RSRC2: variants seen among roughly 807,000 people sequenced by gnomAD.
RSRC2 encodes arginine and serine rich coiled-coil 2.
Under a neutral mutation model 61.3 loss-of-function variants are expected in RSRC2, and 5 were observed. The observed-to-expected ratio is 0.08, with a 90% CI of 0.04 to 0.17. The LOEUF (loss-of-function observed/expected upper bound fraction) is 0.17, where lower values mean the gene tolerates loss of function less well. Ranked by LOEUF, RSRC2 falls within the 10% of genes least tolerant of loss-of-function variation. RSRC2 has a pLI of 1.00. For missense variants in RSRC2, 381 were observed against 518.8 expected (o/e 0.73, Z 2.58); for synonymous variants, 202 against 166.5 (o/e 1.21, Z -1.64).
At position 122,519,750 on chromosome 12, in the gene RSRC2, C is replaced by G. The variant is rs1001428720; in HGVS notation, c.208-721G>C. 3.9e-5 allele frequency: 6 copies of G among 152,490 alleles called. 1 individual carries two copies. Among genetic ancestry groups the G allele is most frequent in the African/African-American group, 1.4e-4 (6 of 41,458 alleles). 9.4% of individuals were successfully genotyped at this position (152,490 alleles called of 1,614,324 possible). On this transcript the variant is annotated intron_variant, in intron 3 of 9. Coordinates refer to ENST00000331738, the MANE Select transcript of RSRC2 (RefSeq NM_023012.6). ...TCCACATGCCATCACACAATACATA[C>G]TGCCCCCACACTTTAAAAAGACCAA...
At chr12:122,508,632 C>T (rs954568063) in intron 7 of RSRC2, among the ~76,000 whole-genome samples, 185 bp from the exon 8 acceptor site, 2 of 152,140 alleles carry the variant, frequency 1.3e-5, no homozygotes, top group African/African-American at 2.4e-5. Flanking sequence ...TGTTCATCAA[C>T]GGACATATTT....
chr12:122,514,751 A>C (rs770174108), intron 6 of RSRC2: 2 of 1,130,718 alleles, frequency 1.8e-6, no homozygotes, highest in Non-Finnish European at 2.3e-6. Flanking sequence ...GAAAAACAAA[A>C]AGTAAAGGAA....
At chr12:122,522,081 A>G in intron 2 of RSRC2, 62 bp downstream of exon 2, 1 of 1,478,482 alleles carries the variant, frequency 6.8e-7, no homozygotes, top group Non-Finnish European at 9.2e-7. Context: ...GTCTTCTTAT[A>G]CAACAGGTCT....
intron 9 of RSRC2, 96 bp downstream of exon 9, chr12:122,506,738 C>CA: frequency 4.0e-6 from 3 of 750,664 alleles, no homozygotes; most frequent in Non-Finnish European, 6.9e-6. Flanking sequence ...AAAACGCTGA[C>CA]ACCTGAGTAA....
At position 122,510,359 on chromosome 12, in the gene RSRC2, G is replaced by A. The variant is rs375442781; in HGVS notation, c.805+750C>T. Among the ~76,000 whole-genome samples the A allele has an allele frequency of 9.2e-4, 140 of 152,080 alleles. No individual in the cohort carries two copies. The East Asian group carries it at 0.011, about 12-fold the overall frequency. On this transcript the variant is annotated intron_variant, in intron 7 of 9. Transcript: ENST00000331738. ...TCCTGGTTCAACACGGTGAAACCCC[G>A]TCTCTACTAAAAATACAAAAATTAG... is the stretch of plus-strand genomic sequence containing the variant.
At chr12:122,512,491 G>A (rs1958601434) in intron 6 of RSRC2, among the ~76,000 whole-genome samples, 1 of 152,174 alleles carries the variant, frequency 6.6e-6, no homozygotes, top group Non-Finnish European at 1.5e-5. Flanking sequence ...ACTATGGGAG[G>A]CTGAGGTGGG....
At chr12:122,526,753 C>T in intron 1 of RSRC2, 95 bp downstream of exon 1, 2 of 1,426,784 alleles carry the variant, frequency 1.4e-6, no homozygotes, top group Non-Finnish European at 2.0e-6. Flanking sequence ...TTTGTCTACA[C>T]ACATACACAC....
chr12:122,510,512 G>A lies in RSRC2; in HGVS notation c.805+597C>T, dbSNP rs1405983405. Reference sequence around the variant, plus strand: ...CCACTGCACTCCAGCCTGGGCGATGGAGCGAGACTCCGTAACAACAACAAC... The same window carrying A: ...CCACTGCACTCCAGCCTGGGCGATGAAGCGAGACTCCGTAACAACAACAAC... On this transcript the variant is annotated intron_variant, in intron 7 of 9. Coordinates refer to ENST00000331738, the MANE Select transcript of RSRC2 (RefSeq NM_023012.6). Among the ~76,000 whole-genome samples, 3 of 151,888 alleles carry A rather than the reference G, an allele frequency of 2.0e-5. No individual in the cohort carries two copies. In the East Asian group the frequency reaches 5.8e-4, roughly 29 times the overall value.
rs1461135516 is a variant in RSRC2 at position 122,522,240 on chromosome 12, C to G, written c.66G>C (p.Lys22Asn). 1.2e-6 allele frequency: 2 copies of G among 1,613,554 alleles called. No homozygotes were observed. The highest frequency in any genetic ancestry group is 1.1e-5 in the South Asian group (1 of 91,034). Reference protein sequence around the residue: ...APEKTSPDRDKKKEQSEVSVS... With the variant: ...APEKTSPDRDNKKEQSEVSVS... ...CAGATACTTCTGACTGCTCTTTTTT[C>G]TTATCTCTATCTGGTGATGTCTTTT... Residue 22 changes from lysine to asparagine, a missense_variant, in exon 2 of 10, where the codon AAG (lysine) becomes AAC (asparagine). This residue lies in a region of RSRC2 where 266 missense variants were observed against 270.5 expected (regional missense o/e 0.98). Coordinates refer to ENST00000331738, the MANE Select transcript of RSRC2 (RefSeq NM_023012.6).
intron 1 of RSRC2, chr12:122,522,561 A>T: frequency 6.3e-4 from 148 of 234,498 alleles, no homozygotes; most frequent in Middle Eastern, 2.8e-3. Flanking sequence ...CTTTTAAAAC[A>T]TGGGGTGGGG....
rs578066825 is a variant in RSRC2, at chr12:122,526,903, C to T, written c.-50G>A. On this transcript the variant is annotated 5_prime_UTR_variant, in exon 1 of 10. Coordinates refer to ENST00000331738, the MANE Select transcript of RSRC2 (RefSeq NM_023012.6). Reference sequence around the variant, plus strand: ...CGGCGCCTCCACTTGTCGCTTTCAACAGTACCGGCCGCTCCGAAGCTTCGC... The same window carrying T: ...CGGCGCCTCCACTTGTCGCTTTCAATAGTACCGGCCGCTCCGAAGCTTCGC... The T allele has an allele frequency of 2.5e-6, 4 of 1,610,742 alleles. No homozygotes were observed. Among genetic ancestry groups the T allele is most frequent in the Non-Finnish European group, 3.4e-6 (4 of 1,177,040 alleles).
At chr12:122,513,485 T>C (rs1433047652) in intron 6 of RSRC2, among the ~76,000 whole-genome samples, 1 of 152,066 alleles carries the variant, frequency 6.6e-6, no homozygotes, top group Non-Finnish European at 1.5e-5. Context: ...TATATATCAA[T>C]GACATTTTGG....
intron 8 of RSRC2, among the ~76,000 whole-genome samples, chr12:122,507,485 T>C (rs1397395126): frequency 2.0e-5 from 3 of 147,678 alleles, no homozygotes; most frequent in African/African-American, 7.9e-5. Flanking sequence ...TTAATGTCAT[T>C]TGTCATTGCA....
chr12:122,504,650 T>A lies in RSRC2; in HGVS notation c.*877A>T, dbSNP rs1416153436. The A allele has an allele frequency of 6.6e-6, 1 of 152,536 alleles. No homozygotes were observed. The highest frequency in any genetic ancestry group is 1.5e-5 in the Non-Finnish European group (1 of 68,034). 9.4% of individuals were successfully genotyped at this position (152,536 alleles called of 1,614,324 possible). A position where few individuals can be genotyped will look rare whatever the true frequency, so the allele number is the denominator to read the frequency against. On this transcript the variant is annotated 3_prime_UTR_variant, in exon 10 of 10. Coordinates refer to ENST00000331738, the MANE Select transcript of RSRC2 (RefSeq NM_023012.6). Reference sequence around the variant, plus strand: ...CTCAAAAAAACAAACAAAAAAAATTTCTAATATTTTAATATTTTATAGTCT... The same window carrying A: ...CTCAAAAAAACAAACAAAAAAAATTACTAATATTTTAATATTTTATAGTCT...
rs1169838098 is a variant in RSRC2, at chr12:122,525,801, GTTTTTTTTTTTTTTTTTTTTTTT to G, written c.6+1024_6+1046del. ...GTAGCTCCTCTGGGGTCAACGAAGA[GTTTTTTTTTTTTTTTTTTTTTTT>G]TTTTTTTTTTTTTTTGAGACGGAGT... On this transcript the variant is annotated intron_variant, in intron 1 of 9. Coordinates refer to ENST00000331738, the MANE Select transcript of RSRC2 (RefSeq NM_023012.6). 5.6e-4 allele frequency among the ~76,000 whole-genome samples: 12 copies of G among 21,502 alleles called. 2 individuals carry two copies. The East Asian group carries it at 0.025, about 45-fold the overall frequency. 14.1% of individuals were successfully genotyped at this position (21,502 alleles called of 152,430 possible). A position where few individuals can be genotyped will look rare whatever the true frequency, so the allele number is the denominator to read the frequency against.
Position 122,522,137 on chromosome 12 carries a change from T to C in RSRC2, c.163+6A>G, listed in dbSNP as rs1959294845. 1.2e-6 allele frequency: 2 copies of C among 1,608,984 alleles called. No homozygotes were observed. Among genetic ancestry groups the C allele is most frequent in the African/African-American group, 2.7e-5 (2 of 74,514 alleles). ...GAGAGTTGTAACCACCTTTAAGAAT[T>C]CATACCTGACTTTCGTTTTCTTTCT... On this transcript the variant is annotated splice_donor_region_variant and intron_variant, in intron 2 of 9. Coordinates refer to ENST00000331738, the MANE Select transcript of RSRC2 (RefSeq NM_023012.6).
At chr12:122,518,569 G>C (rs1593405387) in intron 4 of RSRC2, among the ~76,000 whole-genome samples, 2 of 148,094 alleles carry the variant, frequency 1.4e-5, no homozygotes, top group Admixed American at 6.8e-5. Context: ...CTCCAGCCTG[G>C]GCAACACAGC....
intron 7 of RSRC2, among the ~76,000 whole-genome samples, chr12:122,510,232 A>C (rs1442923305): frequency 6.6e-6 from 1 of 152,166 alleles, no homozygotes. Flanking sequence ...CATTTCCAAA[A>C]TCGTAAAAGA....
At chr12:122,525,103 G>A (rs1478877793) in intron 1 of RSRC2, among the ~76,000 whole-genome samples, 1 of 152,178 alleles carries the variant, frequency 6.6e-6, no homozygotes, top group African/African-American at 2.4e-5. Flanking sequence ...GCCGGGCGCG[G>A]TGGCTCACTC....
Sources: allele counts gnomAD v4.1 joint callset (sites outside exome capture counted in the v4.1 genomes callset), GRCh38; gene constraint gnomAD v4.1.1; regional missense constraint gnomAD v4.1.1; transcripts MANE v1.5; gene names NCBI Gene and HGNC (gene_info 2026-07-23, HGNC 2026-07-21).